Variants in PTPRD observed in about 807,000 individuals in gnomAD.
The protein encoded by PTPRD is receptor-type tyrosine-protein phosphatase delta.
Under a neutral mutation model 214.5 loss-of-function variants are expected in PTPRD, and 34 were observed. The observed-to-expected ratio is 0.16, with a 90% CI of 0.12 to 0.21. The LOEUF (loss-of-function observed/expected upper bound fraction) is 0.21. Ranked by LOEUF, PTPRD falls within the 10% of genes least tolerant of loss-of-function variation. PTPRD has a pLI of 1.00. For missense variants in PTPRD, 2,545 were observed against 2,398.7 expected, an observed-to-expected ratio of 1.06 and a Z score of -1.27; for synonymous variants, 1,128 against 845.7, an observed-to-expected ratio of 1.33 and a Z score of -5.79.
intron 9 of PTPRD, among the ~76,000 whole-genome samples, chr9:9,275,183 G>GTT (rs1245890701): frequency 1.6e-4 from 3 of 18,738 alleles, no homozygotes; most frequent in African/African-American, 6.7e-4. Context: ...TAATATATAT[G>GTT]TTATATATAT....
At chr9:8,349,734 T>C (rs188760989) in intron 39 of PTPRD, among the ~76,000 whole-genome samples, 292 of 152,272 alleles carry the variant, frequency 1.9e-3, no homozygotes, top group African/African-American at 6.8e-3. Context: ...TTTATTATGT[T>C]ATGTTACAGA....
intron 4 of PTPRD, among the ~76,000 whole-genome samples, chr9:9,970,438 A>G (rs10978141): frequency 0.069 from 9,727 of 140,186 alleles, 451 homozygotes; most frequent in East Asian, 0.19. Flanking sequence ...TCAAAAAAAA[A>G]AAAAAGAAAA....
At chr9:9,593,912 T>C (rs1196034464) in intron 7 of PTPRD, among the ~76,000 whole-genome samples, 1 of 152,026 alleles carries the variant, frequency 6.6e-6, no homozygotes, top group African/African-American at 2.4e-5. Flanking sequence ...CCAAAGAAGA[T>C]ACTCTAATTT....
intron 3 of PTPRD, among the ~76,000 whole-genome samples, chr9:10,262,564 T>C (rs2093766654): frequency 6.6e-6 from 1 of 152,216 alleles, no homozygotes; most frequent in Non-Finnish European, 1.5e-5. Flanking sequence ...TCACTGATGA[T>C]AAGCTCAAGT....
intron 3 of PTPRD, among the ~76,000 whole-genome samples, chr9:10,267,777 A>G (rs2498629): frequency 0.16 from 23,936 of 152,120 alleles, 1,992 homozygotes; most frequent in African/African-American, 0.19. Context: ...CAACAGGAAG[A>G]CCAACAATAA....
intron 2 of PTPRD, among the ~76,000 whole-genome samples, chr9:10,470,057 C>G (rs964911719): frequency 6.6e-6 from 1 of 151,522 alleles, no homozygotes; most frequent in Non-Finnish European, 1.5e-5. Context: ...GTGTTTGGTA[C>G]CAAAATAGGG....
At chr9:9,736,140 G>A (rs893264514) in intron 6 of PTPRD, among the ~76,000 whole-genome samples, 6 of 152,078 alleles carry the variant, frequency 3.9e-5, no homozygotes, top group African/African-American at 1.4e-4. Context: ...ACAACACCTT[G>A]AACATATCAT....
chr9:8,574,606 G>C lies in PTPRD; in HGVS notation c.353-45827C>G, dbSNP rs574348156. Reference sequence around the variant, plus strand: ...TAGCAAAATAAAGGCTAACCACTAAGAAGAAAAATATTTTTCTTGCACTTT... The same window carrying C: ...TAGCAAAATAAAGGCTAACCACTAACAAGAAAAATATTTTTCTTGCACTTT... On this transcript the variant is annotated intron_variant, in intron 14 of 45. Coordinates refer to ENST00000381196, the MANE Select transcript of PTPRD (RefSeq NM_002839.4). Among the ~76,000 whole-genome samples the C allele has an allele frequency of 3.3e-5, 5 of 152,110 alleles. No individual in the cohort carries two copies. The South Asian group carries it at 1.0e-3, about 31-fold the overall frequency.
intron 12 of PTPRD, among the ~76,000 whole-genome samples, chr9:8,642,663 G>A (rs201154996): frequency 1.3e-5 from 2 of 151,952 alleles, no homozygotes; most frequent in Admixed American, 1.3e-4. Flanking sequence ...AGAGTGAGGG[G>A]TGGTTCCAAG....
At chr9:9,002,290 C>T (rs1165965134) in intron 11 of PTPRD, among the ~76,000 whole-genome samples, 1 of 151,636 alleles carries the variant, frequency 6.6e-6, no homozygotes, top group Non-Finnish European at 1.5e-5. Flanking sequence ...ATTAATGAGG[C>T]ACTGAAGTAT....
rs763428274 is a variant in PTPRD, at chr9:8,376,744, C to T, written c.4387-18G>A. The T allele has an allele frequency of 4.2e-5, 67 of 1,612,450 alleles. 1 individual carries two copies. In the South Asian group the frequency reaches 5.3e-4, roughly 13 times the overall value. ...CACTTCACCTACAAGAAACAAGTGA[C>T]ACATTCAGGGCAAATGCTCATCAAT... On this transcript the variant is annotated intron_variant, in intron 37 of 45. Transcript: ENST00000381196.
chr9:8,728,562 T>C (rs1291731714), intron 12 of PTPRD, among the ~76,000 whole-genome samples: 1 of 152,240 alleles, frequency 6.6e-6, no homozygotes. Flanking sequence ...CTGAAATGTA[T>C]GCATTTTAAT....
chr9:9,444,586 T>G (rs10977754), intron 8 of PTPRD, among the ~76,000 whole-genome samples: 23,572 of 152,118 alleles, frequency 0.15, 1,937 homozygotes, highest in Middle Eastern at 0.3. Context: ...ATTTTAGAAT[T>G]AAGGTATAGG....
intron 14 of PTPRD, among the ~76,000 whole-genome samples, chr9:8,630,596 T>G (rs1164371917): frequency 6.6e-6 from 1 of 151,888 alleles, no homozygotes; most frequent in East Asian, 1.9e-4. Flanking sequence ...GTTCTAAAAC[T>G]GCTCAACATA....
rs1365831138 is a variant in PTPRD at position 9,601,147 on chromosome 9, GTGTAT to G, written c.-286-26371_-286-26367del. On this transcript the variant is annotated intron_variant, in intron 7 of 45. Coordinates refer to ENST00000381196, the MANE Select transcript of PTPRD (RefSeq NM_002839.4). Reference sequence around the variant, plus strand: ...TGTGTGTGTGTGTGTGTGTGTGTGTGTGTATGGGGGGGGGAGAGTGGGGAGAGAGA... The same window carrying G: ...TGTGTGTGTGTGTGTGTGTGTGTGTGGGGGGGGGGAGAGTGGGGAGAGAGA... Among the ~76,000 whole-genome samples, 195 of 105,788 alleles carry G rather than the reference GTGTAT, an allele frequency of 1.8e-3. 3 individuals carry two copies. The highest frequency in any genetic ancestry group is 6.2e-3 in the African/African-American group (138 of 22,134). 69.4% of individuals were successfully genotyped at this position (105,788 alleles called of 152,430 possible).
intron 2 of PTPRD, among the ~76,000 whole-genome samples, chr9:10,441,262 GGTGAA>G: frequency 6.6e-6 from 1 of 151,648 alleles, no homozygotes; most frequent in Non-Finnish European, 1.5e-5. Flanking sequence ...TGGAGCATAC[GGTGAA>G]AGGCCTTTCC....
rs774079824 is a variant in PTPRD, at chr9:8,636,836, T to G, written c.73A>C (p.Arg25=). 313 of 1,612,526 alleles carry G rather than the reference T, an allele frequency of 1.9e-4. 5 individuals carry two copies. In the East Asian group the frequency reaches 6.9e-3, roughly 36 times the overall value. ...TGATCAACGGGTGTTCGTGTAAACC[T>G]TGGAGGTGCTGAAATAAAAAATAAA... ...FLRTDAETPP[R]FTRTPVDQTG... Residue 25 remains arginine, a synonymous_variant, in exon 13 of 46, where the codon AGG becomes CGG. Transcript: ENST00000381196.
intron 2 of PTPRD, among the ~76,000 whole-genome samples, chr9:10,354,935 T>G (rs552465182): frequency 6.6e-6 from 1 of 152,226 alleles, no homozygotes; most frequent in Non-Finnish European, 1.5e-5. Context: ...TTGTCCTTGA[T>G]GAAAATATGC....
chr9:10,002,165 T>C (rs181210229), intron 4 of PTPRD, among the ~76,000 whole-genome samples: 4 of 150,564 alleles, frequency 2.7e-5, no homozygotes, highest in Non-Finnish European at 4.4e-5. Context: ...AATAAGATTT[T>C]AAAAAATAGA....
Sources: allele counts gnomAD v4.1 joint callset (sites outside exome capture counted in the v4.1 genomes callset), GRCh38; gene constraint gnomAD v4.1.1; transcripts MANE v1.5; gene names NCBI Gene and HGNC (gene_info 2026-07-23, HGNC 2026-07-21).